STAT2: variants seen among roughly 807,000 people sequenced by gnomAD.
STAT2 encodes signal transducer and activator of transcription 2.
STAT2 carries 51 observed loss-of-function variants against 122.3 expected under a neutral mutation model. That is an observed-to-expected ratio of 0.42 (90% CI 0.33 to 0.53). The LOEUF (loss-of-function observed/expected upper bound fraction) is 0.53, where lower values mean the gene tolerates loss of function less well. Among genes scored for constraint, STAT2 ranks in the 20% least tolerant of loss-of-function variants. The probability of loss-of-function intolerance (pLI) is 0.10; values close to 1 mark genes in which losing one functional copy is unlikely to be tolerated. For missense variants in STAT2, 736 were observed against 1,010.3 expected, an observed-to-expected ratio of 0.73 and a Z score of 3.68; for synonymous variants, 351 against 394.9, an observed-to-expected ratio of 0.89 and a Z score of 1.32.
chr12:56,356,771 T>A (rs1267425996), intron 1 of STAT2, among the ~76,000 whole-genome samples, 193 bp from the exon 2 acceptor site: 1 of 152,206 alleles, frequency 6.6e-6, no homozygotes, highest in Non-Finnish European at 1.5e-5. Flanking sequence ...AAGTAACCAC[T>A]GCTATCAGTT....
Position 56,351,469 on chromosome 12 carries a change from G to T in STAT2, c.783-19C>A, listed in dbSNP as rs1320222512. On this transcript the variant is annotated intron_variant, in intron 8 of 23. Coordinates refer to ENST00000314128, the MANE Select transcript of STAT2 (RefSeq NM_005419.4). The stretch of plus-strand genomic sequence containing the variant: ...TGTGAACCTGGGTGATAAAATTCAG[G>T]AAGAAGGAATCCATGAGTTTCCTGG... The T allele has an allele frequency of 7.5e-6, 12 of 1,609,720 alleles. No individual in the cohort carries two copies. The highest frequency in any genetic ancestry group is 9.3e-6 in the Non-Finnish European group (11 of 1,178,204).
chr12:56,343,315 C>A lies in STAT2; in HGVS notation c.*74G>T. On this transcript the variant is annotated 3_prime_UTR_variant, in exon 24 of 24. Transcript: ENST00000314128. ...GAAGGGACACATGCCTGATTCCCAT[C>A]CTTGGAGAACAATATCATGCTATGA... is the stretch of plus-strand genomic sequence containing the variant. 6.4e-7 allele frequency: 1 copy of A among 1,555,432 alleles called. No homozygotes were observed. The highest frequency in any genetic ancestry group is 8.7e-7 in the Non-Finnish European group (1 of 1,146,192).
rs1194953634 is a variant in STAT2 at position 56,345,495 on chromosome 12, C to CAA, written c.2102+649_2102+650dup. Among the ~76,000 whole-genome samples the CAA allele has an allele frequency of 8.3e-3, 38 of 4,556 alleles. 7 individuals are homozygous for CAA. The highest frequency in any genetic ancestry group is 9.5e-3 in the Non-Finnish European group (29 of 3,042). 3.0% of individuals were successfully genotyped at this position (4,556 alleles called of 152,430 possible). On this transcript the variant is annotated intron_variant, in intron 22 of 23. Transcript: ENST00000314128. ...AGCCTGGATAACAGAGACCCTGTCTCAAAAAAAAAAAAAAAAAAAAAAAAA... is the reference window on the plus strand; with the variant it reads ...AGCCTGGATAACAGAGACCCTGTCTCAAAAAAAAAAAAAAAAAAAAAAAAAAA...
chr12:56,354,792 C>G lies in STAT2; in HGVS notation c.619G>C (p.Asp207His). The G allele has an allele frequency of 6.2e-7, 1 of 1,614,184 alleles. No homozygotes were observed. The highest frequency in any genetic ancestry group is 2.2e-5 in the East Asian group (1 of 44,886). ...CTGTCTCCCACCTTTCTCCTTTTGT[C>G]CAGTTCATTGAGAGTTTCCTGCAGA... Reference protein sequence around the residue: ...KILQETLNELDKRRKEVLDAS... With the variant: ...KILQETLNELHKRRKEVLDAS... Residue 207 changes from aspartate (D) to histidine (H), a missense_variant, in exon 7 of 24, where the codon GAC (aspartate) becomes CAC (histidine). Asp to His is a moderately conservative substitution (Grantham distance 81). Transcript: ENST00000314128.
intron 6 of STAT2, 25 bp downstream of exon 6, chr12:56,355,251 T>C (rs1303696316): frequency 1.2e-6 from 2 of 1,613,856 alleles, no homozygotes; most frequent in Non-Finnish European, 1.7e-6. Context: ...CTTATCTTTC[T>C]CCAGCCCCTC....
rs766076493 is a variant in STAT2, at chr12:56,351,109, G to A, written c.1023C>T (p.Thr341=). The stretch of plus-strand genomic sequence containing the variant: ...TCTGGAATGCCAACCTTGTTCGGAC[G>A]GTGAACTTGCTGCCAGTCTTGAGGA... ...PLILKTGSKF[T]VRTRLLVRLQ... Residue 341 remains threonine (T), a synonymous_variant, in exon 10 of 24, where the codon ACC becomes ACT. Transcript: ENST00000314128. The A allele has an allele frequency of 7.4e-6, 12 of 1,613,770 alleles. No individual in the cohort carries two copies. Among genetic ancestry groups the A allele is most frequent in the South Asian group, 5.5e-5 (5 of 91,038 alleles).
rs143633057 is a variant in STAT2 at position 56,342,220 on chromosome 12, C to T, written c.*1169G>A. 475 of 149,046 alleles carry T rather than the reference C, an allele frequency of 3.2e-3. 4 individuals carry two copies. Among genetic ancestry groups the T allele is most frequent in the African/African-American group, 0.01 (414 of 40,180 alleles). 9.2% of individuals were successfully genotyped at this position (149,046 alleles called of 1,614,324 possible). On this transcript the variant is annotated 3_prime_UTR_variant, in exon 24 of 24. Transcript: ENST00000314128. ...CTGAGGCAGGAGAGTCACTTGAACC[C>T]GGAAGGCGGAGGTTGCAGTGAGCCG... is the stretch of plus-strand genomic sequence containing the variant.
At chr12:56,349,735 C>A in intron 13 of STAT2, 99 bp from the exon 14 acceptor site, 2 of 1,473,540 alleles carry the variant, frequency 1.4e-6, no homozygotes, top group Middle Eastern at 3.6e-4. Flanking sequence ...CTGGGAACTT[C>A]CCCCAACCCC....
At chr12:56,357,860 G>C (rs1662016449) in intron 1 of STAT2, among the ~76,000 whole-genome samples, 1 of 151,854 alleles carries the variant, frequency 6.6e-6, no homozygotes, top group African/African-American at 2.4e-5. Context: ...ACAGGAGTGT[G>C]CCATCATGCC....
rs1259615866 is a variant in STAT2, at chr12:56,360,057, C to G, written c.-8+1G>C. On this transcript the variant is annotated splice_donor_variant, in intron 1 of 23. Transcript: ENST00000314128. LOFTEE classifies it low-confidence loss of function (5UTR_SPLICE). Reference sequence around the variant, plus strand: ...CCAGCACACCCTCTCAGGGCCCGTACCTGATTAGGGTTGCAGTCCCCGCGC... The same window carrying G: ...CCAGCACACCCTCTCAGGGCCCGTAGCTGATTAGGGTTGCAGTCCCCGCGC... 1.0e-6 allele frequency: 1 copy of G among 985,276 alleles called. No homozygotes were observed. Among genetic ancestry groups the G allele is most frequent in the African/African-American group, 1.7e-5 (1 of 57,194 alleles). The allele number at this position is 985,276 out of a possible 1,614,324, so 61.0% of individuals were successfully genotyped here.
In STAT2 at chr12:56,344,147, A is replaced by G. The variant is rs771632982; in HGVS notation, c.2103-12T>C. ...GTTCATCCACCTGTCTGGATACCCA[A>G]AGACAGACAAAGGGGCAGGGCTCAG... is the stretch of plus-strand genomic sequence containing the variant. On this transcript the variant is annotated splice_polypyrimidine_tract_variant and intron_variant, in intron 22 of 23. Transcript: ENST00000314128. 1 of 1,545,774 alleles carries G rather than the reference A, an allele frequency of 6.5e-7. No individual in the cohort carries two copies. The highest frequency in any genetic ancestry group is 1.4e-5 in the African/African-American group (1 of 73,008).
intron 16 of STAT2, 38 bp downstream of exon 16, chr12:56,349,125 T>C (rs1878032219): frequency 1.2e-6 from 2 of 1,613,904 alleles, no homozygotes; most frequent in Non-Finnish European, 1.7e-6. Context: ...TCCACACCCC[T>C]CCTCTCGCGC....
rs569260883 is a variant in STAT2, at chr12:56,347,406, GTTT to G, written c.1725-454_1725-452del. On this transcript the variant is annotated intron_variant, in intron 19 of 23. Transcript: ENST00000314128. ...GGGTTTCACCACGTGGCCCAGGGTA[GTTT>G]TGAACTCCTGGGCTCAAGTGATCTG... Among the ~76,000 whole-genome samples, 1,519 of 152,214 alleles carry G rather than the reference GTTT, an allele frequency of 1.0e-2. 16 individuals are homozygous for G. The highest frequency in any genetic ancestry group is 0.016 in the Non-Finnish European group (1,122 of 68,018).
intron 19 of STAT2, among the ~76,000 whole-genome samples, chr12:56,348,230 G>T (rs11575238): frequency 6.6e-6 from 1 of 151,782 alleles, no homozygotes; most frequent in Non-Finnish European, 1.5e-5. Flanking sequence ...TGGGACTACA[G>T]GTGTCTGCCA....
chr12:56,348,477 T>G, intron 19 of STAT2, 52 bp downstream of exon 19: 1 of 1,591,722 alleles, frequency 6.3e-7, no homozygotes, highest in Non-Finnish European at 8.6e-7. Context: ...GAGACTCCAC[T>G]CTCAAGCCCG....
intron 9 of STAT2, 44 bp downstream of exon 9, chr12:56,351,248 C>T (rs781730850): frequency 2.5e-6 from 4 of 1,611,804 alleles, no homozygotes; most frequent in African/African-American, 2.7e-5. Flanking sequence ...GAATGGCTTC[C>T]CTTGTTCCTT....
rs1432107994 is a variant in STAT2 at position 56,350,862 on chromosome 12, T to C, written c.1061A>G (p.Asn354Ser). 2 of 1,613,898 alleles carry C rather than the reference T, an allele frequency of 1.2e-6. No individual in the cohort carries two copies. The highest frequency in any genetic ancestry group is 1.7e-6 in the Non-Finnish European group (2 of 1,180,026). Residue 354 changes from asparagine to serine, a missense_variant, in exon 11 of 24, where the codon AAT becomes AGT. Physicochemically the swap from Asn to Ser is conservative, Grantham distance 46. Coordinates refer to ENST00000314128, the MANE Select transcript of STAT2 (RefSeq NM_005419.4). Reference protein sequence around the residue: ...TRLLVRLQEGNESLTVEVSID... With the variant: ...TRLLVRLQEGSESLTVEVSID... ...GGAGACTTCCACAGTCAGTGACTCATTGCCTTCCTGGAGTCTCACCAGCAG... is the reference window on the plus strand; with the variant it reads ...GGAGACTTCCACAGTCAGTGACTCACTGCCTTCCTGGAGTCTCACCAGCAG...
intron 11 of STAT2, 80 bp from the exon 12 acceptor site, chr12:56,350,512 C>CCTCG (rs1483146891): frequency 4.3e-6 from 6 of 1,389,700 alleles, no homozygotes; most frequent in Non-Finnish European, 5.9e-6. Context: ...ATCAGACAGA[C>CCTCG]CTCGGTTCAA....
chr12:56,352,371 T>TTGTTTG (rs1565655623), intron 8 of STAT2: 2 of 28,462 alleles, frequency 7.0e-5, no homozygotes, highest in Non-Finnish European at 6.8e-5. Flanking sequence ...TTTTTTTTTT[T>TTGTTTG]GGTGGGGGTG....
Sources: gnomAD v4.1 joint callset for allele counts (sites outside exome capture counted in the v4.1 genomes callset) on GRCh38, gnomAD v4.1.1 for gene constraint, MANE v1.5 for transcripts, NCBI Gene and HGNC (gene_info 2026-07-23, HGNC 2026-07-21) for gene names.